DNER: variants seen among roughly 807,000 people sequenced by gnomAD.
DNER encodes the protein delta and Notch-like epidermal growth factor-related receptor.
In DNER, 33 loss-of-function variants were observed where a neutral mutation model predicts 78.2. That is an observed-to-expected ratio of 0.42 (90% CI 0.32 to 0.56). DNER has a LOEUF of 0.56. DNER is among the 20% of genes least tolerant of loss of function. The pLI, the probability that DNER is intolerant of heterozygous loss-of-function variation, is 0.11. For missense variants in DNER, 918 were observed against 975.3 expected (o/e 0.94, Z 0.78); for synonymous variants, 417 against 384.8 (o/e 1.08, Z -0.98).
chr2:229,542,279 T>C (rs1696530911), intron 5 of DNER, among the ~76,000 whole-genome samples: 1 of 152,010 alleles, frequency 6.6e-6, no homozygotes, highest in Non-Finnish European at 1.5e-5. Flanking sequence ...AATCAACCCT[T>C]GGTAACACGA....
chr2:229,656,487 G>A (rs769137090), intron 1 of DNER, among the ~76,000 whole-genome samples: 3 of 152,120 alleles, frequency 2.0e-5, no homozygotes, highest in Non-Finnish European at 4.4e-5. Flanking sequence ...ACTAAGCGTG[G>A]GCTGAGCTCC....
chr2:229,585,603 T>C (rs907890623), intron 4 of DNER, among the ~76,000 whole-genome samples: 2 of 150,588 alleles, frequency 1.3e-5, no homozygotes, highest in Non-Finnish European at 2.9e-5. Flanking sequence ...GAGGTTGCAG[T>C]GAGCCAAGAT....
chr2:229,607,215 A>T (rs1342602658), intron 1 of DNER, among the ~76,000 whole-genome samples: 2 of 152,200 alleles, frequency 1.3e-5, no homozygotes, highest in African/African-American at 4.8e-5. Flanking sequence ...AACTTCTTTA[A>T]TTAACTGACC....
intron 9 of DNER, among the ~76,000 whole-genome samples, chr2:229,413,464 A>G (rs961876013): frequency 6.6e-6 from 1 of 151,038 alleles, no homozygotes; most frequent in African/African-American, 2.4e-5. Flanking sequence ...CTGGGACTAC[A>G]GGCATGTGCC....
chr2:229,500,709 T>C (rs1695602007), intron 6 of DNER, among the ~76,000 whole-genome samples: 1 of 152,194 alleles, frequency 6.6e-6, no homozygotes, highest in African/African-American at 2.4e-5. Context: ...TGGCCTTTTT[T>C]CAAAATTTCC....
At chr2:229,550,890 C>T (rs1696722989) in intron 4 of DNER, among the ~76,000 whole-genome samples, 2 of 152,214 alleles carry the variant, frequency 1.3e-5, no homozygotes, top group Admixed American at 1.3e-4. Context: ...AGCATCACCT[C>T]ATTAACTGAT....
At chr2:229,580,034 A>T (rs1214117605) in intron 4 of DNER, 1 of 152,130 alleles carries the variant, frequency 6.6e-6, no homozygotes, top group African/African-American at 2.4e-5. Flanking sequence ...AAGAGAAAAA[A>T]CAAACAAAGT....
At chr2:229,559,395 A>G (rs1574902391) in intron 4 of DNER, among the ~76,000 whole-genome samples, 1 of 152,200 alleles carries the variant, frequency 6.6e-6, no homozygotes, top group Admixed American at 6.5e-5. Context: ...ATATCAGACC[A>G]TCATCATACT....
chr2:229,601,241 T>C (rs998657205), intron 1 of DNER, among the ~76,000 whole-genome samples: 1 of 152,198 alleles, frequency 6.6e-6, no homozygotes. Context: ...TGTCACAGTA[T>C]TTTTGTCTCA....
In DNER at chr2:229,549,537, G is replaced by A. The variant is rs569188829; in HGVS notation, c.848-2445C>T. On this transcript the variant is annotated intron_variant, in intron 4 of 12. Coordinates refer to ENST00000341772, the MANE Select transcript of DNER (RefSeq NM_139072.4). ...TGGTCTTAAACTCCTGACCTCAAGT[G>A]ATCTCCCCGTCTTGGCCTCCCAAAG... is the stretch of plus-strand genomic sequence containing the variant. Among the ~76,000 whole-genome samples the A allele has an allele frequency of 2.5e-3, 384 of 152,298 alleles. 7 individuals are homozygous for A. Among genetic ancestry groups the A allele is most frequent in the Middle Eastern group, 3.4e-3 (1 of 294 alleles).
At chr2:229,679,449 A>G (rs1400685893) in intron 1 of DNER, among the ~76,000 whole-genome samples, 1 of 152,152 alleles carries the variant, frequency 6.6e-6, no homozygotes, top group Non-Finnish European at 1.5e-5. Flanking sequence ...TTGTACAAAC[A>G]TTATCTTTGG....
At chr2:229,551,923 T>C (rs1298383939) in intron 4 of DNER, among the ~76,000 whole-genome samples, 1 of 151,140 alleles carries the variant, frequency 6.6e-6, no homozygotes. Flanking sequence ...AGAGTGAGAC[T>C]CCATCTCAAA....
At chr2:229,415,170 A>C (rs1290645580) in intron 9 of DNER, among the ~76,000 whole-genome samples, 3 of 152,164 alleles carry the variant, frequency 2.0e-5, no homozygotes, top group Non-Finnish European at 4.4e-5. Flanking sequence ...CACAAAAAAA[A>C]AAAGTCCAGG....
intron 7 of DNER, among the ~76,000 whole-genome samples, chr2:229,453,742 A>G (rs1484234253): frequency 6.6e-6 from 1 of 152,110 alleles, no homozygotes. Context: ...GAGATCAGGG[A>G]ATGTAACTTA....
chr2:229,602,325 G>A (rs182569078), intron 1 of DNER, among the ~76,000 whole-genome samples: 106 of 152,186 alleles, frequency 7.0e-4, no homozygotes, highest in Admixed American at 6.9e-3. Flanking sequence ...AGGAATAGAA[G>A]GAAATTTCTT....
At chr2:229,394,758 G>A (rs1693095485) in intron 10 of DNER, among the ~76,000 whole-genome samples, 1 of 152,200 alleles carries the variant, frequency 6.6e-6, no homozygotes, top group East Asian at 1.9e-4. Flanking sequence ...CCATCTAGCA[G>A]CAAAAGCAAA....
At chr2:229,594,952 T>TAA (rs200824543) in intron 1 of DNER, among the ~76,000 whole-genome samples, 2 of 102,686 alleles carry the variant, frequency 1.9e-5, no homozygotes, top group African/African-American at 6.7e-5. Context: ...AAATGCTGTT[T>TAA]AAAAAAAAAA....
intron 1 of DNER, among the ~76,000 whole-genome samples, chr2:229,668,422 A>ATATATATATATATATATATATATACACT (rs1699134078): frequency 1.3e-3 from 3 of 2,376 alleles, no homozygotes; most frequent in African/African-American, 1.4e-3. Context: ...ATTCTTTTAT[A>ATATATATATATATATATATATATACACT]TATATATATA....
intron 4 of DNER, chr2:229,580,197 T>A (rs139392837): frequency 1.0e-3 from 153 of 152,278 alleles, no homozygotes; most frequent in African/African-American, 2.8e-3. Flanking sequence ...AGTTAAGACG[T>A]CAATTAGAAA....
Sources: allele counts gnomAD v4.1 joint callset (sites outside exome capture counted in the v4.1 genomes callset), GRCh38; gene constraint gnomAD v4.1.1; transcripts MANE v1.5; gene names NCBI Gene and HGNC (gene_info 2026-07-23, HGNC 2026-07-21).